Variants in LRBA observed in about 807,000 individuals in gnomAD.
LRBA encodes lipopolysaccharide-responsive and beige-like anchor protein.
A neutral mutation model predicts 330.0 loss-of-function variants in LRBA; 176 were observed. That is an observed-to-expected ratio of 0.53 (90% CI 0.47 to 0.60). The LOEUF is 0.60. Ranked by LOEUF, LRBA falls within the 20% of genes least tolerant of loss-of-function variation. LRBA has a pLI of 0.00. For missense variants in LRBA, 3,259 were observed against 3,444.8 expected, an observed-to-expected ratio of 0.95 and a Z score of 1.35; for synonymous variants, 1,230 against 1,193.0, an observed-to-expected ratio of 1.03 and a Z score of -0.64.
At chr4:150,764,279 T>A (rs755787724) in intron 34 of LRBA, among the ~76,000 whole-genome samples, 1 of 152,006 alleles carries the variant, frequency 6.6e-6, no homozygotes, top group Non-Finnish European at 1.5e-5. Flanking sequence ...CTCTCACCAC[T>A]ATCTTTCAAC....
rs79459665 is a variant in LRBA, at chr4:150,751,800, G to A, written c.5645+9983C>T. ...CAACTAGAAAAGATTCATACTGGAG[G>A]CTCAATAAATAACAGTAATGATGAC... is the stretch of plus-strand genomic sequence containing the variant. On this transcript the variant is annotated intron_variant, in intron 35 of 56. Coordinates refer to ENST00000651943, the MANE Select transcript of LRBA (RefSeq NM_001364905.1). 7.7e-3 allele frequency among the ~76,000 whole-genome samples: 1,178 copies of A among 152,230 alleles called. 12 individuals are homozygous for A. The highest frequency in any genetic ancestry group is 0.027 in the African/African-American group (1,123 of 41,548).
At chr4:150,819,126 T>C (rs573538508) in intron 30 of LRBA, among the ~76,000 whole-genome samples, 2 of 151,228 alleles carry the variant, frequency 1.3e-5, no homozygotes, top group South Asian at 2.1e-4. Flanking sequence ...ACAAACAACA[T>C]GGATGAATCT....
chr4:151,002,351 G>A (rs1190412464), intron 2 of LRBA, among the ~76,000 whole-genome samples: 2 of 151,784 alleles, frequency 1.3e-5, no homozygotes, highest in Admixed American at 1.3e-4. Context: ...TGGATCACCT[G>A]AGGTCAGGAG....
intron 37 of LRBA, among the ~76,000 whole-genome samples, chr4:150,666,506 A>G (rs534482139): frequency 1.2e-4 from 18 of 152,154 alleles, no homozygotes; most frequent in African/African-American, 4.1e-4. Flanking sequence ...AGAGTGAGAC[A>G]CCATCTCCAA....
chr4:150,391,780 C>T (rs1743975202), intron 47 of LRBA, among the ~76,000 whole-genome samples: 1 of 151,986 alleles, frequency 6.6e-6, no homozygotes, highest in South Asian at 2.1e-4. Context: ...AAAAGATGGT[C>T]TCTCTTCTAC....
At chr4:150,824,374 T>G (rs1745925908) in intron 30 of LRBA, among the ~76,000 whole-genome samples, 1 of 152,162 alleles carries the variant, frequency 6.6e-6, no homozygotes, top group Non-Finnish European at 1.5e-5. Context: ...TGCAAACAAC[T>G]GACATCTTCC....
At chr4:150,503,659 C>A (rs902140936) in intron 40 of LRBA, among the ~76,000 whole-genome samples, 1 of 152,128 alleles carries the variant, frequency 6.6e-6, no homozygotes, top group Non-Finnish European at 1.5e-5. Context: ...AGCAGAAAAA[C>A]TGGAAACTCT....
chr4:150,953,092 T>C (rs1737031009), intron 2 of LRBA, among the ~76,000 whole-genome samples: 1 of 152,180 alleles, frequency 6.6e-6, no homozygotes, highest in Admixed American at 6.5e-5. Flanking sequence ...GGATCACAAA[T>C]GATCATTTCT....
chr4:150,356,518 TAAAAG>T (rs2151832369), intron 47 of LRBA, among the ~76,000 whole-genome samples: 1 of 152,102 alleles, frequency 6.6e-6, no homozygotes, highest in East Asian at 1.9e-4. Context: ...CTAAAGAAAA[TAAAAG>T]AAAATTTGAT....
chr4:150,546,210 G>A lies in LRBA; in HGVS notation c.6330+41838C>T, dbSNP rs964273427. 3.9e-5 allele frequency among the ~76,000 whole-genome samples: 6 copies of A among 152,076 alleles called. No individual in the cohort carries two copies. The East Asian group carries it at 9.6e-4, about 24-fold the overall frequency. ...TCTTTAGCAATATTAACATGGCCAC[G>A]CTGCACATGTTACTTTTAGCTTCTT... On this transcript the variant is annotated intron_variant, in intron 40 of 56. Transcript: ENST00000651943.
At chr4:150,915,530 T>A in intron 8 of LRBA, 78 bp downstream of exon 8, 1 of 1,304,422 alleles carries the variant, frequency 7.7e-7, no homozygotes, top group Non-Finnish European at 1.1e-6. Context: ...TATATTCAAG[T>A]TGTAAAACTT....
chr4:150,858,297 T>C (rs1445378102), intron 22 of LRBA, among the ~76,000 whole-genome samples: 1 of 152,002 alleles, frequency 6.6e-6, no homozygotes, highest in Non-Finnish European at 1.5e-5. Flanking sequence ...TATGAAGCTG[T>C]AGTGTGTTAT....
chr4:150,306,524 GA>G (rs1346306012), intron 52 of LRBA, among the ~76,000 whole-genome samples: 2 of 152,096 alleles, frequency 1.3e-5, no homozygotes, highest in Non-Finnish European at 2.9e-5. Flanking sequence ...TATCGTTTGA[GA>G]TTTTTTTTAT....
chr4:150,406,024 TA>T (rs1185810568), intron 47 of LRBA, among the ~76,000 whole-genome samples: 1 of 152,084 alleles, frequency 6.6e-6, no homozygotes, highest in Non-Finnish European at 1.5e-5. Flanking sequence ...CACTACACTC[TA>T]GCCTGGGTGA....
At chr4:150,714,355 T>C (rs1051373205) in intron 36 of LRBA, among the ~76,000 whole-genome samples, 1 of 152,166 alleles carries the variant, frequency 6.6e-6, no homozygotes, top group Non-Finnish European at 1.5e-5. Flanking sequence ...ATTTGATTAA[T>C]ATGGGAAGTA....
At chr4:150,745,238 A>T (rs1237673966) in intron 35 of LRBA, among the ~76,000 whole-genome samples, 4 of 152,212 alleles carry the variant, frequency 2.6e-5, no homozygotes, top group Non-Finnish European at 5.9e-5. Flanking sequence ...ACCCACAGAA[A>T]CTGTAGGATA....
chr4:150,693,499 G>A (rs1784329907), intron 36 of LRBA, among the ~76,000 whole-genome samples: 1 of 134,456 alleles, frequency 7.4e-6, no homozygotes, highest in Non-Finnish European at 1.6e-5. Context: ...GGGAGGCGGA[G>A]CTTGCAGTGA....
At chr4:150,527,325 A>C (rs1763586504) in intron 40 of LRBA, among the ~76,000 whole-genome samples, 1 of 152,212 alleles carries the variant, frequency 6.6e-6, no homozygotes, top group African/African-American at 2.4e-5. Context: ...GGCTGAACCA[A>C]GGACATAATT....
At chr4:150,746,143 GTATT>G (rs1732690670) in intron 35 of LRBA, among the ~76,000 whole-genome samples, 1 of 152,042 alleles carries the variant, frequency 6.6e-6, no homozygotes, top group South Asian at 2.1e-4. Context: ...AACACATACA[GTATT>G]TATGTGCATA....
Sources: allele counts gnomAD v4.1 joint callset (sites outside exome capture counted in the v4.1 genomes callset), GRCh38; gene constraint gnomAD v4.1.1; transcripts MANE v1.5; gene names NCBI Gene and HGNC (gene_info 2026-07-23, HGNC 2026-07-21).